Variants in PTCH1 observed in about 807,000 individuals in gnomAD.
The protein encoded by PTCH1 is protein patched homolog 1.
In PTCH1, 14 loss-of-function variants were observed where a neutral mutation model predicts 144.6. The ratio of observed to expected loss-of-function variants is 0.10; its 90% confidence interval spans 0.06 to 0.15. The LOEUF is 0.15. Ranked by LOEUF, PTCH1 falls within the 10% of genes least tolerant of loss-of-function variation. The pLI is 1.00. For missense variants in PTCH1, 1,623 were observed against 1,948.3 expected (o/e 0.83, Z 3.14); for synonymous variants, 833 against 793.6 (o/e 1.05, Z -0.83).
Position 95,468,847 on chromosome 9 carries a change from G to A in PTCH1, c.2154C>T (p.Ser718=), listed in dbSNP as rs2118032734. Residue 718 remains serine (S), a synonymous_variant, in exon 14 of 24, where the codon TCC becomes TCT. Coordinates refer to ENST00000331920, the MANE Select transcript of PTCH1 (RefSeq NM_000264.5). ...AGGGGGGCTCGAGGCAGTGGAGGCT[G>A]GAGTCGGAGAACTGGGAGAGCAGGT... is the stretch of plus-strand genomic sequence containing the variant. ...TRDLLSQFSD[S]SLHCLEPPCT... 2 of 1,614,176 alleles carry A rather than the reference G, an allele frequency of 1.2e-6. No individual in the cohort carries two copies. Among genetic ancestry groups the A allele is most frequent in the East Asian group, 2.2e-5 (1 of 44,860 alleles).
At chr9:95,483,747 C>G (rs1841757426) in intron 3 of PTCH1, 1 of 152,244 alleles carries the variant, frequency 6.6e-6, no homozygotes, top group Non-Finnish European at 1.5e-5. Flanking sequence ...ACCCATATCT[C>G]CGCCATCCTC....
chr9:95,461,348 G>A (rs1019119103), intron 16 of PTCH1, among the ~76,000 whole-genome samples: 1 of 152,076 alleles, frequency 6.6e-6, no homozygotes, highest in African/African-American at 2.4e-5. Context: ...TCTACTCCTG[G>A]GGCCAGGGCC....
At chr9:95,510,948 G>A (rs1386897898), upstream of PTCH1, among the ~76,000 whole-genome samples, 3 of 150,388 alleles carry the variant, frequency 2.0e-5, 1 homozygote, top group African/African-American at 4.9e-5. Context: ...GGCCTCCAGC[G>A]CGGTCTCCCG....
At chr9:95,470,528 A>G (rs145238610) in intron 12 of PTCH1, among the ~76,000 whole-genome samples, 2 of 152,348 alleles carry the variant, frequency 1.3e-5, no homozygotes, top group East Asian at 3.9e-4. Context: ...GTGTGATTAT[A>G]GTACGCAGAA....
At chr9:95,474,701 C>T (rs1273807418) in intron 12 of PTCH1, among the ~76,000 whole-genome samples, 1 of 152,056 alleles carries the variant, frequency 6.6e-6, no homozygotes, top group Non-Finnish European at 1.5e-5. Context: ...TGGTTACTAG[C>T]GAAATGACAT....
intron 2 of PTCH1, among the ~76,000 whole-genome samples, chr9:95,487,581 C>T (rs758780623): frequency 1.2e-4 from 19 of 152,198 alleles, no homozygotes; most frequent in Non-Finnish European, 2.8e-4. Context: ...GCCCACATCC[C>T]CTAGAAGTGC....
At position 95,447,195 on chromosome 9, in the gene PTCH1, G is replaced by A. The variant is rs2136577724; in HGVS notation, c.4061C>T (p.Ser1354Phe). The part of the protein sequence containing the change: ...ARSHNPRNPA[S>F]TAMGSSVPGY... ...GGGCACGGAGCTGCCCATGGCAGTG[G>A]ACGCTGGGTTCCGAGGGTTGTGAGA... The change falls in exon 23 of 24, where the codon TCC (serine) becomes TTC (phenylalanine). Residue 1354 changes from serine (S) to phenylalanine (F), a missense_variant. This residue lies in a region of PTCH1 where 291 missense variants were observed against 287.4 expected (regional missense o/e 1.01). Coordinates refer to ENST00000331920, the MANE Select transcript of PTCH1 (RefSeq NM_000264.5). 6.2e-7 allele frequency: 1 copy of A among 1,613,012 alleles called. No homozygotes were observed. The highest frequency in any genetic ancestry group is 8.5e-7 in the Non-Finnish European group (1 of 1,179,914).
chr9:95,515,937 GC>G (rs1268151866), intron 1 of PTCH1, among the ~76,000 whole-genome samples: 1 of 152,014 alleles, frequency 6.6e-6, no homozygotes, highest in Non-Finnish European at 1.5e-5. Flanking sequence ...CTTCCCTGCG[GC>G]TGCGGCTGCT....
chr9:95,511,343 C>T (rs1264992800), upstream of PTCH1, among the ~76,000 whole-genome samples: 1 of 152,154 alleles, frequency 6.6e-6, no homozygotes, highest in East Asian at 1.9e-4. Flanking sequence ...ACCAGCCTGG[C>T]CACCTTCCCT....
At chr9:95,495,888 C>A (rs532432890) in intron 2 of PTCH1, among the ~76,000 whole-genome samples, 2 of 152,152 alleles carry the variant, frequency 1.3e-5, no homozygotes, top group African/African-American at 4.8e-5. Context: ...CTGGACCCTG[C>A]ATGAAGTACA....
intron 3 of PTCH1, among the ~76,000 whole-genome samples, chr9:95,485,064 G>GGT (rs538284779): frequency 1.6e-3 from 246 of 152,168 alleles, no homozygotes; most frequent in Non-Finnish European, 1.8e-4. Context: ...AAATTAGCCA[G>GGT]GTGTGGTGGT....
intron 2 of PTCH1, chr9:95,494,182 C>T (rs1248682628): frequency 2.0e-6 from 2 of 984,426 alleles, no homozygotes; most frequent in African/African-American, 3.5e-5. Flanking sequence ...GCTTCCCCGC[C>T]CCCACCAGCT....
Position 95,508,368 on chromosome 9 carries a change from G to A in PTCH1, c.-7C>T. ...CGTTACCAGCCGAGGCCATGTTGCC[G>A]CCGCCGCCGCCGCCGCCGCGGGGAC... On this transcript the variant is annotated 5_prime_UTR_variant, in exon 1 of 24. Coordinates refer to ENST00000331920, the MANE Select transcript of PTCH1 (RefSeq NM_000264.5). The A allele has an allele frequency of 9.0e-7, 1 of 1,115,790 alleles. No individual in the cohort carries two copies. Among genetic ancestry groups the A allele is most frequent in the Non-Finnish European group, 1.1e-6 (1 of 906,170 alleles). The allele number at this position is 1,115,790 out of a possible 1,614,324, so 69.1% of individuals were successfully genotyped here. A position where few individuals can be genotyped will look rare whatever the true frequency, so the allele number is the denominator to read the frequency against.
In PTCH1 at chr9:95,449,305, A is replaced by G; in HGVS notation, c.3568T>C (p.Leu1190=). Reference sequence around the variant, plus strand: ...GGGGAGGGTGTGGGCAGGCGGTTCAAGCCGTTGGCTGGAGACACCTATTTA... The same window carrying G: ...GGGGAGGGTGTGGGCAGGCGGTTCAGGCCGTTGGCTGGAGACACCTATTTA... The part of the protein sequence containing the change: ...PYPEVSPANG[L]NRLPTPSPEP... Residue 1190 remains leucine (L), a synonymous_variant, in exon 22 of 24, where the codon TTG becomes CTG. Coordinates refer to ENST00000331920, the MANE Select transcript of PTCH1 (RefSeq NM_000264.5). This position sits in a 1 kb window ranked among gnomAD's most constrained non-coding sequence, Gnocchi z 5.3. The G allele has an allele frequency of 1.3e-6, 2 of 1,553,568 alleles. No homozygotes were observed. The highest frequency in any genetic ancestry group is 1.7e-6 in the Non-Finnish European group (2 of 1,149,740).
In PTCH1 at chr9:95,506,394, C is replaced by A. The variant is rs1444907229; in HGVS notation, c.394+13G>T. 1.9e-6 allele frequency: 3 copies of A among 1,607,744 alleles called. No homozygotes were observed. The highest frequency in any genetic ancestry group is 1.7e-5 in the Admixed American group (1 of 59,528). ...CGGGCCGGGGGCGCGGGCGCCGCGGCGGGCGCTCTTACCTTCCACCCACAG... is the reference window on the plus strand; with the variant it reads ...CGGGCCGGGGGCGCGGGCGCCGCGGAGGGCGCTCTTACCTTCCACCCACAG... On this transcript the variant is annotated intron_variant, in intron 2 of 23. Coordinates refer to ENST00000331920, the MANE Select transcript of PTCH1 (RefSeq NM_000264.5).
intron 2 of PTCH1, among the ~76,000 whole-genome samples, chr9:95,492,672 G>A (rs1203185027): frequency 6.6e-6 from 1 of 151,536 alleles, no homozygotes; most frequent in Admixed American, 6.6e-5. Context: ...TACACTTCTG[G>A]TCCCAAACAT....
upstream of PTCH1, among the ~76,000 whole-genome samples, chr9:95,512,319 C>G (rs1315650586): frequency 1.3e-5 from 2 of 152,208 alleles, no homozygotes; most frequent in Admixed American, 6.5e-5. Context: ...AAATTCTACC[C>G]GTGGGTTCCA....
rs1837728124 is a variant in PTCH1 at position 95,444,567 on chromosome 9, G to A, written c.*1826C>T. Reference sequence around the variant, plus strand: ...GCGGCTCCCAATCAGCATCTTAAAAGTTTTGTGGTGAGTATCAGGGTCTGA... The same window carrying A: ...GCGGCTCCCAATCAGCATCTTAAAAATTTTGTGGTGAGTATCAGGGTCTGA... On this transcript the variant is annotated 3_prime_UTR_variant, in exon 24 of 24. Transcript: ENST00000331920. 6.5e-6 allele frequency: 1 copy of A among 152,772 alleles called. No individual in the cohort carries two copies. Among genetic ancestry groups the A allele is most frequent in the African/African-American group, 2.4e-5 (1 of 41,372 alleles). 9.5% of individuals were successfully genotyped at this position (152,772 alleles called of 1,614,324 possible).
intron 19 of PTCH1, among the ~76,000 whole-genome samples, chr9:95,455,794 G>A (rs143207512): frequency 2.0e-5 from 3 of 152,272 alleles, no homozygotes; most frequent in East Asian, 3.9e-4. Context: ...TCCTAAGCCC[G>A]AGGGTACTTC....
Sources: gnomAD v4.1 joint callset for allele counts (sites outside exome capture counted in the v4.1 genomes callset) on GRCh38, gnomAD v4.1.1 for gene constraint, gnomAD v4.1.1 regional missense constraint, Gnocchi (gnomAD v3.1) non-coding constraint, MANE v1.5 for transcripts, NCBI Gene and HGNC (gene_info 2026-07-23, HGNC 2026-07-21) for gene names.